Variants in FGD4 observed in about 807,000 individuals in gnomAD.
FGD4 encodes the protein FYVE, RhoGEF and PH domain containing 4.
A neutral mutation model predicts 102.0 loss-of-function variants in FGD4; 42 were observed. The ratio of observed to expected loss-of-function variants is 0.41; its 90% CI spans 0.32 to 0.53. The LOEUF is 0.53. Ranked by LOEUF, FGD4 falls within the 20% of genes least tolerant of loss-of-function variation. FGD4 has a pLI of 0.21. For synonymous variants in FGD4, 380 were observed against 375.7 expected (o/e 1.01, Z -0.13); for missense variants, 902 against 1,078.2 (o/e 0.84, Z 2.29).
intron 1 of FGD4, among the ~76,000 whole-genome samples, chr12:32,402,647 A>G (rs897109842): frequency 6.6e-6 from 1 of 151,652 alleles, no homozygotes; most frequent in Admixed American, 6.6e-5. Flanking sequence ...AGTTTTTTTT[A>G]AAATGGAGAA....
In FGD4 at chr12:32,631,982, C is replaced by T. The variant is rs113787103; in HGVS notation, c.2173-1567C>T. On this transcript the variant is annotated intron_variant, in intron 14 of 16. Coordinates refer to ENST00000534526, the MANE Select transcript of FGD4 (RefSeq NM_001370298.3). ...AACAAAATGGATGGTAATGAGTTTG[C>T]GGTTACAGGTATGTCTAATTCTAAA... Among the ~76,000 whole-genome samples, 5 of 152,238 alleles carry T rather than the reference C, an allele frequency of 3.3e-5. No individual in the cohort carries two copies. In the South Asian group the frequency reaches 8.3e-4, roughly 25 times the overall value.
chr12:32,476,104 G>A (rs368515545), intron 1 of FGD4, among the ~76,000 whole-genome samples: 4 of 152,086 alleles, frequency 2.6e-5, no homozygotes, highest in South Asian at 2.1e-4. Context: ...TGTATGAAAC[G>A]GGTCTGCTGC....
intron 1 of FGD4, among the ~76,000 whole-genome samples, chr12:32,460,277 C>T (rs1024995426): frequency 2.0e-5 from 3 of 151,956 alleles, no homozygotes; most frequent in Admixed American, 6.6e-5. Flanking sequence ...TTTGAGAAGT[C>T]GAGGCGGGAG....
At chr12:32,420,085 T>C (rs1336224359) in intron 1 of FGD4, among the ~76,000 whole-genome samples, 1 of 152,166 alleles carries the variant, frequency 6.6e-6, no homozygotes, top group East Asian at 1.9e-4. Flanking sequence ...ATGTAGTTAG[T>C]TGTTAAAATT....
intron 1 of FGD4, among the ~76,000 whole-genome samples, chr12:32,461,226 A>T (rs1405706654): frequency 6.6e-6 from 1 of 152,200 alleles, no homozygotes; most frequent in African/African-American, 2.4e-5. Flanking sequence ...CGCACAAAAA[A>T]CCATAATAAC....
At position 32,494,820 on chromosome 12, in the gene FGD4, CA is replaced by C. The variant is rs138327823; in HGVS notation, c.167-69316del. On this transcript the variant is annotated intron_variant, in intron 1 of 16. Coordinates refer to ENST00000534526, the MANE Select transcript of FGD4 (RefSeq NM_001370298.3). ...ATGTCACTGCTGGCCTTACTGGGAG[CA>C]GTGCCAGTTGAGTGCTTGGTCTGAC... Among the ~76,000 whole-genome samples the C allele has an allele frequency of 1.1e-3, 164 of 152,284 alleles. 1 individual carries two copies. The highest frequency in any genetic ancestry group is 3.5e-3 in the African/African-American group (145 of 41,554).
chr12:32,576,254 C>G lies in FGD4; in HGVS notation c.320-12C>G. On this transcript the variant is annotated splice_polypyrimidine_tract_variant and intron_variant, in intron 2 of 16. Transcript: ENST00000534526. ...TATCAGTGAAATACTATATTCTATT[C>G]TTTTTCTACAGTGCCTCCAAAGCCA... The G allele has an allele frequency of 6.4e-7, 1 of 1,567,300 alleles. No individual in the cohort carries two copies. Among genetic ancestry groups the G allele is most frequent in the South Asian group, 1.2e-5 (1 of 86,144 alleles).
At chr12:32,590,381 CTT>C (rs1489207375) in intron 4 of FGD4, among the ~76,000 whole-genome samples, 1 of 149,106 alleles carries the variant, frequency 6.7e-6, no homozygotes, top group Non-Finnish European at 1.5e-5. Context: ...CTCTCTCTCT[CTT>C]TTTAATAATG....
At chr12:32,632,329 G>A (rs1252421071) in intron 14 of FGD4, among the ~76,000 whole-genome samples, 1 of 152,286 alleles carries the variant, frequency 6.6e-6, no homozygotes, top group African/African-American at 2.4e-5. Context: ...TAATAATACA[G>A]GAATAAAATT....
In FGD4 at chr12:32,638,782, A is replaced by G. The variant is rs775350900; in HGVS notation, c.2441A>G (p.Tyr814Cys). The G allele has an allele frequency of 6.2e-7, 1 of 1,613,976 alleles. No homozygotes were observed. Among genetic ancestry groups the G allele is most frequent in the African/African-American group, 1.3e-5 (1 of 74,912 alleles). The stretch of plus-strand genomic sequence containing the variant: ...CAAGACCCTCTTGTGCTGTACATGT[A>G]TGGTGCCCCCCAGGTATCTAAACCA... Reference protein sequence around the residue: ...PKQDPLVLYMYGAPQDVRAQA... With the variant: ...PKQDPLVLYMCGAPQDVRAQA... The change falls in exon 16 of 17, where the codon TAT (tyrosine) becomes TGT (cysteine). Residue 814 changes from tyrosine to cysteine, a missense_variant. Coordinates refer to ENST00000534526, the MANE Select transcript of FGD4 (RefSeq NM_001370298.3).
intron 1 of FGD4, among the ~76,000 whole-genome samples, chr12:32,481,833 A>G (rs1252569992): frequency 6.6e-6 from 1 of 152,098 alleles, no homozygotes; most frequent in East Asian, 1.9e-4. Flanking sequence ...AAAAAAAAAA[A>G]AGAACATCTA....
intron 4 of FGD4, among the ~76,000 whole-genome samples, chr12:32,585,651 G>T (rs561034688): frequency 1.3e-5 from 2 of 151,600 alleles, no homozygotes; most frequent in South Asian, 2.1e-4. Flanking sequence ...CCTGGGCAAC[G>T]GGCAAAACCC....
At chr12:32,437,108 C>CAAAAAAAAAA (rs5797478) in intron 1 of FGD4, among the ~76,000 whole-genome samples, 8 of 108,080 alleles carry the variant, frequency 7.4e-5, no homozygotes, top group Admixed American at 9.9e-5. Flanking sequence ...GACTCCATGT[C>CAAAAAAAAAA]AAAAAAAAAA....
intron 1 of FGD4, among the ~76,000 whole-genome samples, chr12:32,538,780 G>A (rs745461596): frequency 3.9e-5 from 6 of 152,136 alleles, no homozygotes; most frequent in African/African-American, 7.2e-5. Flanking sequence ...TAGGCCAGGC[G>A]CAGTGGCTCA....
chr12:32,432,190 G>C (rs957479471), intron 1 of FGD4, among the ~76,000 whole-genome samples: 2 of 151,244 alleles, frequency 1.3e-5, no homozygotes, highest in African/African-American at 4.8e-5. Context: ...CTCCCCAGCA[G>C]CTGGGACTAC....
At chr12:32,503,378 G>A (rs1020685152) in intron 1 of FGD4, among the ~76,000 whole-genome samples, 5 of 152,154 alleles carry the variant, frequency 3.3e-5, no homozygotes, top group African/African-American at 1.2e-4. Flanking sequence ...TGTGCCAGTG[G>A]CTGCCCAGAG....
intron 1 of FGD4, among the ~76,000 whole-genome samples, chr12:32,492,190 TTGAAA>T: frequency 6.6e-6 from 1 of 152,334 alleles, no homozygotes; most frequent in East Asian, 1.9e-4. Context: ...TTAAAGAAAC[TTGAAA>T]TGAATGTATT....
rs1461014495 is a variant in FGD4, at chr12:32,640,810, T to G, written c.*277T>G. On this transcript the variant is annotated 3_prime_UTR_variant, in exon 17 of 17. Coordinates refer to ENST00000534526, the MANE Select transcript of FGD4 (RefSeq NM_001370298.3). Reference sequence around the variant, plus strand: ...TGTCTTGAAGAAATGGTGTATCAATTGATTCTGTCACCGTCAGGTTAGAAT... The same window carrying G: ...TGTCTTGAAGAAATGGTGTATCAATGGATTCTGTCACCGTCAGGTTAGAAT... 2 of 598,014 alleles carry G rather than the reference T, an allele frequency of 3.3e-6. No homozygotes were observed. Among genetic ancestry groups the G allele is most frequent in the African/African-American group, 3.7e-5 (2 of 53,772 alleles). 37.0% of individuals were successfully genotyped at this position (598,014 alleles called of 1,614,324 possible). A position where few individuals can be genotyped will look rare whatever the true frequency, so the allele number is the denominator to read the frequency against.
chr12:32,425,286 A>C (rs1057010457), intron 1 of FGD4, among the ~76,000 whole-genome samples: 2 of 152,210 alleles, frequency 1.3e-5, no homozygotes, highest in Non-Finnish European at 2.9e-5. Context: ...AGTTTTCTGC[A>C]TATGGCTAGC....
Sources: gnomAD v4.1 joint callset for allele counts (sites outside exome capture counted in the v4.1 genomes callset) on GRCh38, gnomAD v4.1.1 for gene constraint, MANE v1.5 for transcripts, NCBI Gene and HGNC (gene_info 2026-07-23, HGNC 2026-07-21) for gene names.